MEMO1: variants seen among roughly 807,000 people sequenced by gnomAD.
The protein encoded by MEMO1 is protein MEMO1.
A neutral mutation model predicts 45.2 loss-of-function variants in MEMO1; 6 were observed. That is an observed-to-expected ratio of 0.13 (90% CI 0.07 to 0.26). The LOEUF (loss-of-function observed/expected upper bound fraction) is 0.26, where lower values mean the gene tolerates loss of function less well. Ranked by LOEUF, MEMO1 falls within the 10% of genes least tolerant of loss-of-function variation. The pLI is 1.00. For synonymous variants in MEMO1, 78 were observed against 124.3 expected (o/e 0.63, Z 2.48); for missense variants, 184 against 370.5 (o/e 0.50, Z 4.13).
intron 6 of MEMO1, among the ~76,000 whole-genome samples, chr2:31,907,242 CT>C (rs1203107716): frequency 6.6e-6 from 1 of 152,124 alleles, no homozygotes; most frequent in Non-Finnish European, 1.5e-5. Flanking sequence ...CTCTCTGCTC[CT>C]GTAACTCTTT....
At chr2:31,963,293 G>A (rs1668238739) in intron 2 of MEMO1, 1 of 1,509,336 alleles carries the variant, frequency 6.6e-7, no homozygotes, top group Admixed American at 2.1e-5. Flanking sequence ...CAGATCTACA[G>A]ATAGGGATAC....
chr2:31,951,144 A>G (rs1666798627), intron 2 of MEMO1, among the ~76,000 whole-genome samples: 1 of 152,200 alleles, frequency 6.6e-6, no homozygotes, highest in African/African-American at 2.4e-5. Flanking sequence ...TGTAATTGGT[A>G]TTTAACTAGT....
At position 32,010,157 on chromosome 2, in the gene MEMO1, G is replaced by T. The variant is rs985587882; in HGVS notation, c.61+30C>A. 8.8e-6 allele frequency: 11 copies of T among 1,245,498 alleles called. No individual in the cohort carries two copies. In the African/African-American group the frequency reaches 9.5e-5, roughly 11 times the overall value. The allele number at this position is 1,245,498 out of a possible 1,614,324, so 77.2% of individuals were successfully genotyped here. ...GGGCGTGGGGCCAGGCGGCGACGGCGGCGGGCGGGCCGGCGGCCTGGGGCC... is the reference window on the plus strand; with the variant it reads ...GGGCGTGGGGCCAGGCGGCGACGGCTGCGGGCGGGCCGGCGGCCTGGGGCC... On this transcript the variant is annotated intron_variant, in intron 2 of 9. Coordinates refer to ENST00000404530, the MANE Select transcript of MEMO1 (RefSeq NM_001301833.4).
At chr2:31,904,541 C>T (rs1474167122) in intron 6 of MEMO1, among the ~76,000 whole-genome samples, 3 of 152,198 alleles carry the variant, frequency 2.0e-5, no homozygotes, top group African/African-American at 4.8e-5. Flanking sequence ...TTCTAGAGCA[C>T]GCAACCTAGA....
intron 2 of MEMO1, among the ~76,000 whole-genome samples, chr2:31,967,810 G>C (rs906857546): frequency 6.6e-6 from 1 of 152,036 alleles, no homozygotes; most frequent in African/African-American, 2.4e-5. Flanking sequence ...GTGTTTAGTG[G>C]GAGGTTTTTT....
intron 2 of MEMO1, among the ~76,000 whole-genome samples, chr2:31,991,617 T>A (rs1415530908): frequency 6.6e-6 from 1 of 151,320 alleles, no homozygotes; most frequent in Non-Finnish European, 1.5e-5. Flanking sequence ...TATACAAAAG[T>A]TTTTAATTTA....
intron 6 of MEMO1, among the ~76,000 whole-genome samples, chr2:31,900,618 C>T (rs187256069): frequency 3.3e-5 from 5 of 151,520 alleles, no homozygotes; most frequent in African/African-American, 4.9e-5. Flanking sequence ...CACCATGGCA[C>T]GTGTATAACT....
intron 2 of MEMO1, among the ~76,000 whole-genome samples, chr2:31,969,178 T>G (rs1213842566): frequency 6.6e-6 from 1 of 151,680 alleles, no homozygotes; most frequent in Non-Finnish European, 1.5e-5. Context: ...ACAGGAAACT[T>G]TCTGGCAGGA....
At chr2:31,950,268 C>A (rs1448989450) in intron 2 of MEMO1, among the ~76,000 whole-genome samples, 1 of 151,720 alleles carries the variant, frequency 6.6e-6, no homozygotes, top group Non-Finnish European at 1.5e-5. Flanking sequence ...GTAATTCCAG[C>A]TACTCAGGAG....
intron 2 of MEMO1, among the ~76,000 whole-genome samples, chr2:31,987,986 T>C (rs1352059345): frequency 6.6e-6 from 1 of 152,104 alleles, no homozygotes; most frequent in Non-Finnish European, 1.5e-5. Flanking sequence ...CTGTAATTAA[T>C]GGAAGGAGTA....
At chr2:32,009,268 C>T (rs1446662517) in intron 2 of MEMO1, among the ~76,000 whole-genome samples, 1 of 152,124 alleles carries the variant, frequency 6.6e-6, no homozygotes, top group Non-Finnish European at 1.5e-5. Flanking sequence ...CGACCAGTGA[C>T]TGGGGCGACT....
At chr2:31,970,982 T>A (rs1261804036) in intron 2 of MEMO1, among the ~76,000 whole-genome samples, 1 of 152,130 alleles carries the variant, frequency 6.6e-6, no homozygotes, top group Non-Finnish European at 1.5e-5. Context: ...CCAGCCTGGG[T>A]GACAGAGCGA....
At chr2:31,892,788 C>G (rs1677162286) in intron 6 of MEMO1, among the ~76,000 whole-genome samples, 1 of 152,164 alleles carries the variant, frequency 6.6e-6, no homozygotes, top group African/African-American at 2.4e-5. Flanking sequence ...AGACACCACA[C>G]CCACCCACAA....
At chr2:31,960,610 G>C (rs189605057) in intron 2 of MEMO1, among the ~76,000 whole-genome samples, 119 of 152,100 alleles carry the variant, frequency 7.8e-4, no homozygotes, top group Admixed American at 2.7e-3. Flanking sequence ...TATTTATTTA[G>C]AGTCTCACTC....
At chr2:31,953,598 G>A (rs1667090951) in intron 2 of MEMO1, among the ~76,000 whole-genome samples, 1 of 151,746 alleles carries the variant, frequency 6.6e-6, no homozygotes. Flanking sequence ...TGAGATTACA[G>A]ATGTGCACCA....
intron 2 of MEMO1, among the ~76,000 whole-genome samples, chr2:31,952,652 T>C (rs182562802): frequency 2.6e-5 from 4 of 152,312 alleles, no homozygotes; most frequent in Admixed American, 2.6e-4. Flanking sequence ...ACTTTGATAA[T>C]ATCTGATTAT....
intron 2 of MEMO1, among the ~76,000 whole-genome samples, chr2:31,948,302 T>C (rs932331593): frequency 6.6e-6 from 1 of 152,230 alleles, no homozygotes; most frequent in African/African-American, 2.4e-5. Context: ...ATTCTACATA[T>C]GTAATTTAAA....
intron 7 of MEMO1, among the ~76,000 whole-genome samples, chr2:31,889,793 A>C (rs1026290967): frequency 6.6e-6 from 1 of 152,136 alleles, no homozygotes; most frequent in African/African-American, 2.4e-5. Flanking sequence ...AATGAGTATT[A>C]TTAATGATGA....
At chr2:31,904,145 G>A (rs1679303198) in intron 6 of MEMO1, among the ~76,000 whole-genome samples, 1 of 152,196 alleles carries the variant, frequency 6.6e-6, no homozygotes, top group Non-Finnish European at 1.5e-5. Context: ...TTACCTGAGA[G>A]TTAACATAGC....
Sources: gnomAD v4.1 joint callset for allele counts (sites outside exome capture counted in the v4.1 genomes callset) on GRCh38, gnomAD v4.1.1 for gene constraint, MANE v1.5 for transcripts, NCBI Gene and HGNC (gene_info 2026-07-23, HGNC 2026-07-21) for gene names.